ST7: variants seen among roughly 807,000 people sequenced by gnomAD.
The protein encoded by ST7 is suppression of tumorigenicity 7.
In ST7, 28 loss-of-function variants were observed where a neutral mutation model predicts 78.7. The observed-to-expected ratio is 0.36, with a 90% CI of 0.26 to 0.49. The LOEUF (loss-of-function observed/expected upper bound fraction) is 0.49. Ranked by LOEUF, ST7 falls within the 20% of genes least tolerant of loss-of-function variation. The pLI is 0.99. For synonymous variants in ST7, 247 were observed against 249.6 expected, an observed-to-expected ratio of 0.99 and a Z score of 0.10; for missense variants, 418 against 696.0, an observed-to-expected ratio of 0.60 and a Z score of 4.49.
At chr7:117,002,286 T>G (rs1370593639) in intron 1 of ST7, among the ~76,000 whole-genome samples, 1 of 151,922 alleles carries the variant, frequency 6.6e-6, no homozygotes, top group East Asian at 1.9e-4. Flanking sequence ...TAGAGACAGG[T>G]CTCTCTGTGC....
intron 3 of ST7, among the ~76,000 whole-genome samples, chr7:117,121,512 A>G (rs1013462981): frequency 1.3e-5 from 2 of 152,234 alleles, no homozygotes; most frequent in African/African-American, 2.4e-5. Flanking sequence ...TAACCTGGTT[A>G]GACAGTTATG....
intron 1 of ST7, among the ~76,000 whole-genome samples, chr7:117,060,920 C>T (rs1020569245): frequency 6.6e-6 from 1 of 152,110 alleles, no homozygotes; most frequent in Non-Finnish European, 1.5e-5. Context: ...GCAGGACAAT[C>T]GCTTGAACCT....
intron 12 of ST7, among the ~76,000 whole-genome samples, chr7:117,191,411 A>G (rs571763033): frequency 6.6e-6 from 1 of 152,194 alleles, no homozygotes; most frequent in Admixed American, 6.5e-5. Context: ...ATGAAGAAGT[A>G]TTTTGCTTTG....
At chr7:117,176,389 A>T (rs372132276) in intron 10 of ST7, among the ~76,000 whole-genome samples, 2 of 152,204 alleles carry the variant, frequency 1.3e-5, no homozygotes, top group East Asian at 1.9e-4. Context: ...AGAAAAGGAC[A>T]TGTTTCTAAC....
At chr7:117,152,113 C>A in intron 9 of ST7, among the ~76,000 whole-genome samples, 3 of 126,220 alleles carry the variant, frequency 2.4e-5, no homozygotes, top group Admixed American at 8.7e-5. Flanking sequence ...AGTGAGACAC[C>A]ATCTCAAAAA....
At chr7:117,199,776 A>G (rs1012093227) in intron 12 of ST7, among the ~76,000 whole-genome samples, 14 of 152,364 alleles carry the variant, frequency 9.2e-5, no homozygotes, top group African/African-American at 3.4e-4. Flanking sequence ...CCTATGAGGC[A>G]GGCAGAGTTC....
chr7:117,047,010 A>T (rs1386433170), intron 1 of ST7, among the ~76,000 whole-genome samples: 1 of 152,204 alleles, frequency 6.6e-6, no homozygotes. Flanking sequence ...AGCCTGCCGC[A>T]TATTGAACAT....
At chr7:117,119,521 G>T in intron 2 of ST7, 40 bp from the exon 3 acceptor site, 1 of 1,588,218 alleles carries the variant, frequency 6.3e-7, no homozygotes, top group Non-Finnish European at 8.6e-7. Context: ...AGTCGTAAAT[G>T]ATAACAGTGA....
intron 12 of ST7, among the ~76,000 whole-genome samples, chr7:117,199,969 G>A (rs1243021829): frequency 6.6e-6 from 1 of 152,220 alleles, no homozygotes; most frequent in East Asian, 1.9e-4. Flanking sequence ...ACTCAACTCT[G>A]AAAACCTTGA....
chr7:117,033,007 G>A (rs1796681846), intron 1 of ST7, among the ~76,000 whole-genome samples: 1 of 152,122 alleles, frequency 6.6e-6, no homozygotes, highest in African/African-American at 2.4e-5. Flanking sequence ...GTTGCTTTGG[G>A]CATCTTATCT....
intron 9 of ST7, among the ~76,000 whole-genome samples, chr7:117,160,669 A>G (rs529036001): frequency 2.6e-5 from 4 of 151,864 alleles, no homozygotes; most frequent in Non-Finnish European, 5.9e-5. Context: ...ATATATATAT[A>G]CATATATGTA....
chr7:117,047,968 A>G (rs1217628098), intron 1 of ST7, among the ~76,000 whole-genome samples: 3 of 152,240 alleles, frequency 2.0e-5, no homozygotes, highest in Admixed American at 6.5e-5. Flanking sequence ...CTTAACTACT[A>G]GTAGCCTACT....
intron 1 of ST7, among the ~76,000 whole-genome samples, chr7:117,098,037 C>T (rs1208765238): frequency 6.7e-6 from 1 of 149,198 alleles, no homozygotes; most frequent in Non-Finnish European, 1.5e-5. Context: ...AGTTCCAGGT[C>T]CATTTAGTTC....
chr7:117,002,726 T>C (rs1002990095), intron 1 of ST7, among the ~76,000 whole-genome samples: 4 of 151,550 alleles, frequency 2.6e-5, no homozygotes, highest in African/African-American at 9.7e-5. Flanking sequence ...ATGAAGAAAT[T>C]ATGCAAATTA....
chr7:117,136,491 C>G, intron 8 of ST7: 6 of 582,240 alleles, frequency 1.0e-5, no homozygotes, highest in Non-Finnish European at 1.8e-5. Flanking sequence ...TGGCAGTAAC[C>G]TTTAATAGTA....
chr7:117,229,521 CAG>C (rs1793656941), intron 15 of ST7, among the ~76,000 whole-genome samples: 1 of 152,316 alleles, frequency 6.6e-6, no homozygotes, highest in African/African-American at 2.4e-5. Flanking sequence ...GGCCACCTGT[CAG>C]GGGAGTGAGG....
At chr7:117,164,986 G>A (rs1172375254) in intron 9 of ST7, among the ~76,000 whole-genome samples, 2 of 152,060 alleles carry the variant, frequency 1.3e-5, no homozygotes, top group African/African-American at 4.8e-5. Flanking sequence ...TTTGGAGGGT[G>A]GGGTGATTTT....
intron 1 of ST7, among the ~76,000 whole-genome samples, chr7:117,006,688 T>C (rs561619784): frequency 6.6e-6 from 1 of 152,372 alleles, no homozygotes; most frequent in African/African-American, 2.4e-5. Flanking sequence ...GCCTTGCAGA[T>C]ACTGCACTTC....
At chr7:117,171,340 A>C (rs1807975647) in intron 10 of ST7, among the ~76,000 whole-genome samples, 1 of 152,146 alleles carries the variant, frequency 6.6e-6, no homozygotes, top group South Asian at 2.1e-4. Context: ...AGCTCTTGCT[A>C]TAAATCCACA....
Sources: allele counts gnomAD v4.1 joint callset (sites outside exome capture counted in the v4.1 genomes callset), GRCh38; gene constraint gnomAD v4.1.1; transcripts MANE v1.5; gene names NCBI Gene and HGNC (gene_info 2026-07-23, HGNC 2026-07-21).